DISC1: variants seen among roughly 807,000 people sequenced by gnomAD.
DISC1 encodes DISC1 scaffold protein.
DISC1 carries 57 observed loss-of-function variants against 84.5 expected under a neutral mutation model. The observed-to-expected ratio is 0.67, with a 90% CI of 0.55 to 0.84. The LOEUF is 0.84. Ranked by LOEUF, DISC1 falls within the 40% of genes least tolerant of loss-of-function variation. The pLI is 0.00. For synonymous variants in DISC1, 411 were observed against 415.2 expected, an observed-to-expected ratio of 0.99 and a Z score of 0.12; for missense variants, 1,000 against 1,057.8, an observed-to-expected ratio of 0.95 and a Z score of 0.76.
intron 3 of DISC1, among the ~76,000 whole-genome samples, chr1:231,738,434 T>C (rs1284374261): frequency 1.3e-5 from 2 of 152,142 alleles, no homozygotes; most frequent in Non-Finnish European, 2.9e-5. Context: ...TTTTCAGGAG[T>C]GTAGACCTTA....
intron 4 of DISC1, among the ~76,000 whole-genome samples, chr1:231,763,196 T>TCCTA (rs1352500196): frequency 6.6e-6 from 1 of 152,110 alleles, no homozygotes; most frequent in Admixed American, 6.5e-5. Context: ...CCGCATTGAC[T>TCCTA]CCTAAACTCT....
chr1:232,012,789 T>C (rs1423958873), intron 11 of DISC1, among the ~76,000 whole-genome samples: 1 of 152,194 alleles, frequency 6.6e-6, no homozygotes, highest in East Asian at 1.9e-4. Flanking sequence ...CTACGGTCCT[T>C]GCCAGGCTGC....
chr1:232,004,893 CTTCCTTCCTTCT>C (rs1667171251), intron 10 of DISC1, among the ~76,000 whole-genome samples: 2 of 115,122 alleles, frequency 1.7e-5, no homozygotes, highest in African/African-American at 3.3e-5. Context: ...CCCTTCCTTC[CTTCCTTCCTTCT>C]TTCCTTCCTT....
chr1:231,779,732 T>C (rs1413158529), intron 6 of DISC1, among the ~76,000 whole-genome samples: 1 of 151,910 alleles, frequency 6.6e-6, no homozygotes, highest in African/African-American at 2.4e-5. Flanking sequence ...GCTAATTTTT[T>C]GTATTTTTAG....
chr1:231,969,186 G>GTTTTTTTTTTTTT (rs71573149), intron 10 of DISC1, among the ~76,000 whole-genome samples: 3 of 91,654 alleles, frequency 3.3e-5, no homozygotes, highest in African/African-American at 4.3e-5. Context: ...ACACTCAGCG[G>GTTTTTTTTTTTTT]TTTTTTTTTT....
chr1:232,035,087 G>C (rs1051254545), intron 12 of DISC1, among the ~76,000 whole-genome samples: 2 of 152,110 alleles, frequency 1.3e-5, no homozygotes, highest in Non-Finnish European at 2.9e-5. Context: ...TTTTCAGGGT[G>C]GTTCAGCACG....
At chr1:231,676,299 A>G (rs1417397644) in intron 1 of DISC1, among the ~76,000 whole-genome samples, 1 of 152,242 alleles carries the variant, frequency 6.6e-6, no homozygotes, top group Non-Finnish European at 1.5e-5. Context: ...AGGTCAAAGG[A>G]AAGAGCCCTG....
rs572978648 is a variant in DISC1 at position 231,760,212 on chromosome 1, T to C, written c.1269-6928T>C. On this transcript the variant is annotated intron_variant, in intron 4 of 12. Transcript: ENST00000439617. ...TGGAAGAATTATAAAGTTACCTGTA[T>C]TGTCTCTGGCAATTTTACAACATTC... Among the ~76,000 whole-genome samples the C allele has an allele frequency of 2.6e-5, 4 of 152,318 alleles. No individual in the cohort carries two copies. The East Asian group carries it at 7.7e-4, about 29-fold the overall frequency.
intron 9 of DISC1, among the ~76,000 whole-genome samples, chr1:231,910,746 G>T (rs1001861896): frequency 3.9e-5 from 6 of 151,992 alleles, no homozygotes; most frequent in East Asian, 1.9e-4. Flanking sequence ...CTTTCTGTCT[G>T]GTTGATCTGT....
At chr1:231,744,223 T>G (rs920861804) in intron 3 of DISC1, among the ~76,000 whole-genome samples, 1 of 152,172 alleles carries the variant, frequency 6.6e-6, no homozygotes, top group Non-Finnish European at 1.5e-5. Flanking sequence ...GGTTAAGTAG[T>G]AAGTGCTCAT....
intron 12 of DISC1, among the ~76,000 whole-genome samples, chr1:232,035,460 G>T (rs1670429514): frequency 6.6e-6 from 1 of 152,134 alleles, no homozygotes; most frequent in Non-Finnish European, 1.5e-5. Context: ...AAAGAAAAAA[G>T]AAAGGGAAAG....
chr1:231,659,144 G>A (rs371825773), intron 1 of DISC1, among the ~76,000 whole-genome samples: 1 of 151,962 alleles, frequency 6.6e-6, no homozygotes, highest in African/African-American at 2.4e-5. Flanking sequence ...ATTTATTACT[G>A]TCTCAATTTC....
At chr1:231,911,098 T>A (rs1329779132) in intron 9 of DISC1, among the ~76,000 whole-genome samples, 1 of 152,192 alleles carries the variant, frequency 6.6e-6, no homozygotes, top group Non-Finnish European at 1.5e-5. Context: ...CTCCTGAATA[T>A]AGCACACTGA....
chr1:231,760,423 A>G (rs1042856434), intron 4 of DISC1, among the ~76,000 whole-genome samples: 26 of 152,184 alleles, frequency 1.7e-4, no homozygotes, highest in Admixed American at 1.2e-3. Context: ...TAGGATAGTC[A>G]TCAGTAGGGA....
chr1:231,719,910 G>A (rs2069392731), intron 3 of DISC1, among the ~76,000 whole-genome samples: 1 of 152,154 alleles, frequency 6.6e-6, no homozygotes, highest in African/African-American at 2.4e-5. Context: ...TGTATTGGGT[G>A]GAATGACCTT....
At chr1:231,765,087 G>A (rs1171302730) in intron 4 of DISC1, among the ~76,000 whole-genome samples, 1 of 151,640 alleles carries the variant, frequency 6.6e-6, no homozygotes, top group Non-Finnish European at 1.5e-5. Context: ...CTACATTGGA[G>A]GCTGAGGCAG....
rs569417512 is a variant in DISC1, at chr1:231,918,126, G to A, written c.1982-40702G>A. On this transcript the variant is annotated intron_variant, in intron 9 of 12. Transcript: ENST00000439617. ...GCTGTGGCCCCTTAGTTAGAAGGCC[G>A]CAGGGACTGTGGTGTTTTAGGTTGT... 3.1e-4 allele frequency among the ~76,000 whole-genome samples: 47 copies of A among 152,318 alleles called. No homozygotes were observed. In the South Asian group the frequency reaches 3.5e-3, roughly 11 times the overall value.
rs570598964 is a variant in DISC1, at chr1:231,732,246, C to T, written c.1118-17680C>T. Among the ~76,000 whole-genome samples, 7 of 152,282 alleles carry T rather than the reference C, an allele frequency of 4.6e-5. No individual in the cohort carries two copies. In the South Asian group the frequency reaches 1.5e-3, roughly 32 times the overall value. The stretch of plus-strand genomic sequence containing the variant: ...TAATGATAACTAGCTATCTATGTGC[C>T]TAGGGTTTCTCATACATCGCATCAT... On this transcript the variant is annotated intron_variant, in intron 3 of 12. Coordinates refer to ENST00000439617, the MANE Select transcript of DISC1 (RefSeq NM_018662.3).
chr1:231,900,504 A>G (rs907990502), intron 9 of DISC1, among the ~76,000 whole-genome samples: 3 of 152,226 alleles, frequency 2.0e-5, no homozygotes, highest in African/African-American at 7.2e-5. Context: ...TGGAGACATT[A>G]GTTTGCTAAA....
Sources: allele counts gnomAD v4.1 joint callset (sites outside exome capture counted in the v4.1 genomes callset), GRCh38; gene constraint gnomAD v4.1.1; transcripts MANE v1.5; gene names NCBI Gene and HGNC (gene_info 2026-07-23, HGNC 2026-07-21).